PHC2: variants seen among roughly 807,000 people sequenced by gnomAD.
PHC2 encodes the protein polyhomeotic-like protein 2.
PHC2 carries 29 observed loss-of-function variants against 87.4 expected under a neutral mutation model. The observed-to-expected ratio is 0.33, with a 90% confidence interval of 0.25 to 0.45. The LOEUF (loss-of-function observed/expected upper bound fraction) is 0.45. PHC2 is among the 20% of genes least tolerant of loss of function. The pLI is 1.00. For missense variants in PHC2, 857 were observed against 1,136.7 expected, an observed-to-expected ratio of 0.75 and a Z score of 3.54; for synonymous variants, 438 against 461.7, an observed-to-expected ratio of 0.95 and a Z score of 0.66.
Position 33,368,497 on chromosome 1 carries a change from G to A in PHC2, c.663+39C>T. The A allele has an allele frequency of 1.8e-6, 2 of 1,138,720 alleles. No homozygotes were observed. The highest frequency in any genetic ancestry group is 1.5e-5 in the African/African-American group (1 of 65,170). 70.5% of individuals were successfully genotyped at this position (1,138,720 alleles called of 1,614,324 possible). On this transcript the variant is annotated intron_variant, in intron 6 of 14. Transcript: ENST00000683057. The surrounding 1 kb of genome is among the most constrained non-coding windows in gnomAD (Gnocchi z 6.6). ...AGTATCAGTGCCCCTCTACAGGGGT[G>A]CCCACCCCCCTGCCCTCCCACAAGC...
At chr1:33,330,914 T>G (rs952409665) in intron 12 of PHC2, among the ~76,000 whole-genome samples, 2 of 152,252 alleles carry the variant, frequency 1.3e-5, no homozygotes, top group Non-Finnish European at 2.9e-5. Context: ...ATCAATTGAC[T>G]GGCACAGTGA....
chr1:33,425,078 A>G (rs912634566), intron 1 of PHC2, among the ~76,000 whole-genome samples: 1 of 152,242 alleles, frequency 6.6e-6, no homozygotes, highest in African/African-American at 2.4e-5. Context: ...AAAATTTAAG[A>G]GTCAAATATC....
intron 1 of PHC2, among the ~76,000 whole-genome samples, chr1:33,395,378 C>CT (rs1257945212): frequency 1.3e-5 from 2 of 152,008 alleles, no homozygotes; most frequent in Non-Finnish European, 2.9e-5. Flanking sequence ...ATGCATGCCT[C>CT]TGTCAAAATT....
intron 9 of PHC2, among the ~76,000 whole-genome samples, chr1:33,342,499 A>C (rs1156355933): frequency 6.6e-6 from 1 of 152,118 alleles, no homozygotes; most frequent in African/African-American, 2.4e-5. Context: ...GGAAGGAATC[A>C]ATGGAGCGAA....
chr1:33,361,073 G>A (rs1647184799), intron 7 of PHC2, among the ~76,000 whole-genome samples: 1 of 152,220 alleles, frequency 6.6e-6, no homozygotes, highest in African/African-American at 2.4e-5. Flanking sequence ...CAGGAGGCAG[G>A]GAGGAAAAGG....
rs1646566970 is a variant in PHC2 at position 33,334,041 on chromosome 1, A to C, written c.1761+49T>G. ...TGGAAATGTAAAAATATTCTAAGACACATCCAAAATATACTTAAAAAAAAA... is the reference window on the plus strand; with the variant it reads ...TGGAAATGTAAAAATATTCTAAGACCCATCCAAAATATACTTAAAAAAAAA... On this transcript the variant is annotated intron_variant, in intron 10 of 14. Transcript: ENST00000683057. This position sits in a 1 kb window ranked among gnomAD's most constrained non-coding sequence, Gnocchi z 5.5. 6.9e-7 allele frequency: 1 copy of C among 1,458,792 alleles called. No homozygotes were observed. The highest frequency in any genetic ancestry group is 9.4e-7 in the Non-Finnish European group (1 of 1,059,276). 90.4% of individuals were successfully genotyped at this position (1,458,792 alleles called of 1,614,324 possible).
intron 9 of PHC2, among the ~76,000 whole-genome samples, chr1:33,337,258 T>G (rs540473418): frequency 2.2e-4 from 33 of 152,326 alleles, no homozygotes; most frequent in Non-Finnish European, 8.8e-5. Context: ...AATGATTTTC[T>G]GGCATTTGTT....
chr1:33,335,415 G>C, intron 9 of PHC2: 1 of 829,284 alleles, frequency 1.2e-6, no homozygotes, highest in Non-Finnish European at 1.5e-6. Flanking sequence ...TTAATATAAA[G>C]CATACCCCAG....
chr1:33,374,346 G>A (rs960011675), intron 2 of PHC2, among the ~76,000 whole-genome samples: 2 of 152,148 alleles, frequency 1.3e-5, no homozygotes, highest in African/African-American at 4.8e-5. Flanking sequence ...TCTGAATGCC[G>A]TGGCTATAAA....
At position 33,368,963 on chromosome 1, in the gene PHC2, C is replaced by T. The variant is rs1053795440; in HGVS notation, c.577-341G>A. On this transcript the variant is annotated intron_variant, in intron 5 of 14. Coordinates refer to ENST00000683057, the MANE Select transcript of PHC2 (RefSeq NM_001385109.1). The surrounding 1 kb of genome is among the most constrained non-coding windows in gnomAD (Gnocchi z 6.6). ...GTGAGGGGCTCATCCTAGAGGAGAC[C>T]GATATCCCCAGGATACGCTGAAGCC... 7.9e-5 allele frequency among the ~76,000 whole-genome samples: 12 copies of T among 152,094 alleles called. No individual in the cohort carries two copies. Among genetic ancestry groups the T allele is most frequent in the Admixed American group, 2.0e-4 (3 of 15,272 alleles).
At chr1:33,418,822 G>T (rs1650312108) in intron 1 of PHC2, among the ~76,000 whole-genome samples, 1 of 152,184 alleles carries the variant, frequency 6.6e-6, no homozygotes, top group Non-Finnish European at 1.5e-5. Flanking sequence ...GCTACCTAAT[G>T]GAAAAGGGTA....
At chr1:33,383,704 A>G (rs371599184) in intron 1 of PHC2, among the ~76,000 whole-genome samples, 1 of 152,232 alleles carries the variant, frequency 6.6e-6, no homozygotes, top group Admixed American at 6.5e-5. Flanking sequence ...GCTGTAAGGC[A>G]GAGCAAAATA....
chr1:33,420,342 G>A (rs927290075), intron 1 of PHC2, among the ~76,000 whole-genome samples: 4 of 152,126 alleles, frequency 2.6e-5, no homozygotes, highest in Admixed American at 6.5e-5. Context: ...GGAGGGAAAC[G>A]CGCCTAGACC....
In PHC2 at chr1:33,355,269, C is replaced by T; in HGVS notation, c.977-16G>A. On this transcript the variant is annotated splice_polypyrimidine_tract_variant and intron_variant, in intron 7 of 14. Coordinates refer to ENST00000683057, the MANE Select transcript of PHC2 (RefSeq NM_001385109.1). Reference sequence around the variant, plus strand: ...TGAGCATAGGCTGAAAGGGGAAAGGCCAGGTTAGAGAGCATGGCTTGACCT... The same window carrying T: ...TGAGCATAGGCTGAAAGGGGAAAGGTCAGGTTAGAGAGCATGGCTTGACCT... 6.5e-7 allele frequency: 1 copy of T among 1,550,102 alleles called. No homozygotes were observed. Among genetic ancestry groups the T allele is most frequent in the Non-Finnish European group, 8.7e-7 (1 of 1,145,738 alleles).
intron 1 of PHC2, among the ~76,000 whole-genome samples, chr1:33,387,029 G>T (rs1279031715): frequency 6.6e-6 from 1 of 152,230 alleles, no homozygotes; most frequent in African/African-American, 2.4e-5. Context: ...GGCCAACACA[G>T]GGATCATGGG....
chr1:33,372,568 A>G (rs1004116887), intron 2 of PHC2, 121 bp from the exon 3 acceptor site: 14 of 700,440 alleles, frequency 2.0e-5, no homozygotes, highest in South Asian at 1.9e-4. Context: ...AAGATCTGTG[A>G]CCACCACCAC....
At chr1:33,398,712 C>T (rs1012485200) in intron 1 of PHC2, among the ~76,000 whole-genome samples, 1 of 152,218 alleles carries the variant, frequency 6.6e-6, no homozygotes, top group African/African-American at 2.4e-5. Flanking sequence ...GAACGAGGGG[C>T]TGCAGGCATT....
intron 1 of PHC2, among the ~76,000 whole-genome samples, chr1:33,401,499 C>A (rs1404722830): frequency 6.6e-6 from 1 of 152,004 alleles, no homozygotes; most frequent in Non-Finnish European, 1.5e-5. Flanking sequence ...CTATTCTTGA[C>A]CTCTAACTGT....
chr1:33,356,566 C>A (rs917858186), intron 7 of PHC2, among the ~76,000 whole-genome samples: 2 of 151,808 alleles, frequency 1.3e-5, no homozygotes, highest in African/African-American at 4.8e-5. Context: ...CCATTTAACC[C>A]TGAGTGGACA....
Sources: gnomAD v4.1 joint callset for allele counts (sites outside exome capture counted in the v4.1 genomes callset) on GRCh38, gnomAD v4.1.1 for gene constraint, Gnocchi (gnomAD v3.1) non-coding constraint, MANE v1.5 for transcripts, NCBI Gene and HGNC (gene_info 2026-07-23, HGNC 2026-07-21) for gene names.